CRMP1: variants seen among roughly 807,000 people sequenced by gnomAD.
CRMP1 encodes dihydropyrimidinase-related protein 1.
CRMP1 carries 19 observed loss-of-function variants against 68.3 expected under a neutral mutation model. The ratio of observed to expected loss-of-function variants is 0.28; its 90% CI spans 0.19 to 0.41. The LOEUF is 0.41. Among genes scored for constraint, CRMP1 ranks in the 10% least tolerant of loss-of-function variants. CRMP1 has a pLI of 1.00. For synonymous variants in CRMP1, 439 were observed against 399.6 expected (o/e 1.10, Z -1.18); for missense variants, 791 against 967.4 (o/e 0.82, Z 2.42).
chr4:5,873,437 C>A (rs1714600843), intron 1 of CRMP1, among the ~76,000 whole-genome samples: 1 of 151,512 alleles, frequency 6.6e-6, no homozygotes, highest in African/African-American at 2.4e-5. Context: ...GCAGGCTGTA[C>A]AGGAAGCATG....
In CRMP1 at chr4:5,887,608, C is replaced by G. The variant is rs185155106; in HGVS notation, c.381+4981G>C. Reference sequence around the variant, plus strand: ...TCCCCACCCTCTCGCGGCCCAGCGTCGGGAACATTAACCCTTCCCGGGCCG... The same window carrying G: ...TCCCCACCCTCTCGCGGCCCAGCGTGGGGAACATTAACCCTTCCCGGGCCG... On this transcript the variant is annotated intron_variant, in intron 1 of 13. Coordinates refer to ENST00000324989, the MANE Select transcript of CRMP1 (RefSeq NM_001014809.3). The G allele has an allele frequency of 4.6e-4, 458 of 985,010 alleles. 1 individual carries two copies. In the African/African-American group the frequency reaches 7.5e-3, roughly 16 times the overall value. The allele number at this position is 985,010 out of a possible 1,614,324, so 61.0% of individuals were successfully genotyped here. A position where few individuals can be genotyped will look rare whatever the true frequency, so the allele number is the denominator to read the frequency against.
rs1715739141 is a variant in CRMP1 at position 5,888,213 on chromosome 4, G to A, written c.381+4376C>T. On this transcript the variant is annotated intron_variant, in intron 1 of 13. Transcript: ENST00000324989. This position sits in a 1 kb window ranked among gnomAD's most constrained non-coding sequence, Gnocchi z 6.4. ...CAAAGGCCAGCGCGGGGCGGCGGGG[G>A]CGGGGGCCGCTTACCGTGATGTGCG... The A allele has an allele frequency of 8.7e-6, 11 of 1,263,772 alleles. No individual in the cohort carries two copies. The highest frequency in any genetic ancestry group is 1.1e-5 in the Non-Finnish European group (11 of 1,000,164). 78.3% of individuals were successfully genotyped at this position (1,263,772 alleles called of 1,614,324 possible).
chr4:5,824,360 A>G (rs1202202009), intron 13 of CRMP1: 4 of 985,268 alleles, frequency 4.1e-6, no homozygotes, highest in South Asian at 4.7e-5. Context: ...TCAAAGTCTT[A>G]TGGAGAGTGA....
At chr4:5,832,955 C>T (rs980340195) in intron 11 of CRMP1, among the ~76,000 whole-genome samples, 1 of 152,102 alleles carries the variant, frequency 6.6e-6, no homozygotes, top group African/African-American at 2.4e-5. Context: ...CAATGACTGG[C>T]ATCCATAAAA....
chr4:5,844,130 T>C (rs748565473), intron 6 of CRMP1, among the ~76,000 whole-genome samples: 1 of 152,184 alleles, frequency 6.6e-6, no homozygotes, highest in Non-Finnish European at 1.5e-5. Context: ...TCTATGGTTA[T>C]TAAGCTCGAG....
chr4:5,843,161 C>T lies in CRMP1; in HGVS notation c.964G>A (p.Glu322Lys), dbSNP rs1354523900. Residue 322 changes from glutamate to lysine, a missense_variant and splice_region_variant, in exon 7 of 14, where the codon GAA becomes AAA. By Grantham distance (56) the Glu-to-Lys change is moderately conservative. This residue lies in a region of CRMP1 where 594 missense variants were observed against 763.6 expected (regional missense o/e 0.78). Coordinates refer to ENST00000324989, the MANE Select transcript of CRMP1 (RefSeq NM_001014809.3). This position sits in a 1 kb window ranked among gnomAD's most constrained non-coding sequence, Gnocchi z 4.1. Reference sequence around the variant, plus strand: ...CCCATCTCCAGGATCCGCTTTTGTTCCTACAAGACAAGAACAAGTGAGTTA... The same window carrying T: ...CCCATCTCCAGGATCCGCTTTTGTTTCTACAAGACAAGAACAAGTGAGTTA... Reference protein sequence around the residue: ...HAENGDLIAQEQKRILEMGIT... With the variant: ...HAENGDLIAQKQKRILEMGIT... 2 of 1,614,140 alleles carry T rather than the reference C, an allele frequency of 1.2e-6. No homozygotes were observed. The highest frequency in any genetic ancestry group is 1.7e-6 in the Non-Finnish European group (2 of 1,180,008).
rs1025449070 is a variant in CRMP1, at chr4:5,821,029, C to G, written c.*731G>C. ...GGGAGACCTCTTTCTGAGTGTGAAC[C>G]TGGCTCGGCCTGAAGCCTAGAGCTG... On this transcript the variant is annotated 3_prime_UTR_variant, in exon 14 of 14. Transcript: ENST00000324989. This position sits in a 1 kb window ranked among gnomAD's most constrained non-coding sequence, Gnocchi z 4.4. 3.3e-5 allele frequency: 5 copies of G among 152,256 alleles called. No homozygotes were observed. Among genetic ancestry groups the G allele is most frequent in the African/African-American group, 1.2e-4 (5 of 41,450 alleles). 9.4% of individuals were successfully genotyped at this position (152,256 alleles called of 1,614,324 possible). A position where few individuals can be genotyped will look rare whatever the true frequency, so the allele number is the denominator to read the frequency against.
chr4:5,841,551 A>G lies in CRMP1; in HGVS notation c.1033-123T>C. The G allele has an allele frequency of 6.8e-7, 1 of 1,470,844 alleles. No individual in the cohort carries two copies. Among genetic ancestry groups the G allele is most frequent in the Non-Finnish European group, 9.3e-7 (1 of 1,075,052 alleles). The allele number at this position is 1,470,844 out of a possible 1,614,324, so 91.1% of individuals were successfully genotyped here. On this transcript the variant is annotated intron_variant, in intron 7 of 13. Transcript: ENST00000324989. The surrounding 1 kb of genome is among the most constrained non-coding windows in gnomAD (Gnocchi z 6.9). ...CTGCTCCATTGAATGAGAAGGACAT[A>G]CTGAGTCCAACAGCGCTTGACAGTG...
chr4:5,841,374 G>C lies in CRMP1; in HGVS notation c.1087C>G (p.Pro363Ala). The C allele has an allele frequency of 1.2e-6, 2 of 1,614,116 alleles. No individual in the cohort carries two copies. Among genetic ancestry groups the C allele is most frequent in the Non-Finnish European group, 1.7e-6 (2 of 1,180,036 alleles). Residue 363 changes from proline to alanine, a missense_variant, in exon 8 of 14, where the codon CCT becomes GCT. Around this residue, in one of 3 missense-constraint regions of CRMP1, gnomAD observed 594 missense variants for 763.6 expected, o/e 0.78. Transcript: ENST00000324989. The surrounding 1 kb of genome is among the most constrained non-coding windows in gnomAD (Gnocchi z 6.9). Reference sequence around the variant, plus strand: ...CTCATGACCTTGGTGATGTACACAGGGCAGTTGATCCGGCCCGCAATGGTG... The same window carrying C: ...CTCATGACCTTGGTGATGTACACAGCGCAGTTGATCCGGCCCGCAATGGTG... ...AITIAGRINC[P>A]VYITKVMSKS...
In CRMP1 at chr4:5,877,324, G is replaced by C. The variant is rs977570220; in HGVS notation, c.382-10568C>G. Reference sequence around the variant, plus strand: ...CAAAGCAAATTAATACATCGTAAAGGTTCTGTGCTGGGAGCCACAGGGGTT... The same window carrying C: ...CAAAGCAAATTAATACATCGTAAAGCTTCTGTGCTGGGAGCCACAGGGGTT... On this transcript the variant is annotated intron_variant, in intron 1 of 13. Coordinates refer to ENST00000324989, the MANE Select transcript of CRMP1 (RefSeq NM_001014809.3). The surrounding 1 kb of genome is among the most constrained non-coding windows in gnomAD (Gnocchi z 4.3). 5.9e-5 allele frequency among the ~76,000 whole-genome samples: 9 copies of C among 152,322 alleles called. No individual in the cohort carries two copies. The highest frequency in any genetic ancestry group is 2.1e-4 in the South Asian group (1 of 4,828).
Position 5,892,682 on chromosome 4 carries a change from G to A in CRMP1, c.288C>T (p.Val96=), listed in dbSNP as rs1227301183. The part of the protein sequence containing the change: ...SDVSEPSGSA[V]SSPGERDERP... ...GCTCGTCGCGCTCTCCGGGAGAGCT[G>A]ACCGCGGAGCCCGAGGGCTCGCTCA... is the stretch of plus-strand genomic sequence containing the variant. The change falls in exon 1 of 14, where the codon GTC becomes GTT. Residue 96 remains valine, a synonymous_variant. Coordinates refer to ENST00000324989, the MANE Select transcript of CRMP1 (RefSeq NM_001014809.3). The surrounding 1 kb of genome is among the most constrained non-coding windows in gnomAD (Gnocchi z 8.6). The A allele has an allele frequency of 6.6e-5, 80 of 1,217,832 alleles. No individual in the cohort carries two copies. The highest frequency in any genetic ancestry group is 7.8e-5 in the Non-Finnish European group (76 of 979,226). The allele number at this position is 1,217,832 out of a possible 1,614,324, so 75.4% of individuals were successfully genotyped here.
intron 11 of CRMP1, among the ~76,000 whole-genome samples, chr4:5,832,173 G>C (rs951147806): frequency 6.6e-6 from 1 of 152,200 alleles, no homozygotes; most frequent in Admixed American, 6.5e-5. Flanking sequence ...GAATGGGGGT[G>C]AGAGAGAGGG....
Position 5,892,062 on chromosome 4 carries a change from C to G in CRMP1, c.381+527G>C, listed in dbSNP as rs1413446858. Among the ~76,000 whole-genome samples, 1 of 152,090 alleles carries G rather than the reference C, an allele frequency of 6.6e-6. No individual in the cohort carries two copies. The highest frequency in any genetic ancestry group is 1.5e-5 in the Non-Finnish European group (1 of 68,020). ...TTCCCCCCAGCAAGCATGAGGGGAG[C>G]GCTCGGAAAAAAAGCTCCTTCCAGC... On this transcript the variant is annotated intron_variant, in intron 1 of 13. Transcript: ENST00000324989. This position sits in a 1 kb window ranked among gnomAD's most constrained non-coding sequence, Gnocchi z 8.6.
chr4:5,851,587 G>T (rs1482064252), intron 4 of CRMP1, 118 bp from the exon 5 acceptor site: 1 of 1,007,902 alleles, frequency 9.9e-7, no homozygotes, highest in East Asian at 2.4e-5. Flanking sequence ...GAGTGCCATT[G>T]GGATCCCCAG....
rs1715992534 is a variant in CRMP1 at position 5,892,390 on chromosome 4, C to T, written c.381+199G>A. ...CCCTTCCGAGTCTCACGGACCACGC[C>T]GGCCAGCCCCGACCGAGTCGCCCCA... is the stretch of plus-strand genomic sequence containing the variant. On this transcript the variant is annotated intron_variant, in intron 1 of 13. Transcript: ENST00000324989. The surrounding 1 kb of genome is among the most constrained non-coding windows in gnomAD (Gnocchi z 8.6). 6.6e-6 allele frequency among the ~76,000 whole-genome samples: 1 copy of T among 152,196 alleles called. No individual in the cohort carries two copies. The highest frequency in any genetic ancestry group is 2.4e-5 in the African/African-American group (1 of 41,468).
At chr4:5,873,280 G>C (rs962824985) in intron 1 of CRMP1, among the ~76,000 whole-genome samples, 1 of 152,176 alleles carries the variant, frequency 6.6e-6, no homozygotes, top group Non-Finnish European at 1.5e-5. Context: ...GGATGAGTAG[G>C]TATTAGCCAC....
chr4:5,874,722 A>T (rs1714690166), intron 1 of CRMP1, among the ~76,000 whole-genome samples: 1 of 152,182 alleles, frequency 6.6e-6, no homozygotes, highest in African/African-American at 2.4e-5. Flanking sequence ...AAGAGATAAA[A>T]GAAGGATAAA....
rs576511088 is a variant in CRMP1 at position 5,850,758 on chromosome 4, C to T, written c.882+650G>A. Among the ~76,000 whole-genome samples the T allele has an allele frequency of 6.6e-6, 1 of 152,272 alleles. No individual in the cohort carries two copies. The highest frequency in any genetic ancestry group is 6.5e-5 in the Admixed American group (1 of 15,308). On this transcript the variant is annotated intron_variant, in intron 5 of 13. Coordinates refer to ENST00000324989, the MANE Select transcript of CRMP1 (RefSeq NM_001014809.3). This position sits in a 1 kb window ranked among gnomAD's most constrained non-coding sequence, Gnocchi z 4.4. ...TGATTTTCTCCACCACACTAACAAG[C>T]AGAGCAAGGGAAACTGACAATGAAA... is the stretch of plus-strand genomic sequence containing the variant.
At position 5,892,044 on chromosome 4, in the gene CRMP1, CAGCAAGCATGAGGGG is replaced by C. The variant is rs900317027; in HGVS notation, c.381+530_381+544del. On this transcript the variant is annotated intron_variant, in intron 1 of 13. Transcript: ENST00000324989. The surrounding 1 kb of genome is among the most constrained non-coding windows in gnomAD (Gnocchi z 8.6). ...AAATCCTTAACCAAATCCTTCCCCC[CAGCAAGCATGAGGGG>C]AGCGCTCGGAAAAAAAGCTCCTTCC... Among the ~76,000 whole-genome samples, 10 of 152,146 alleles carry C rather than the reference CAGCAAGCATGAGGGG, an allele frequency of 6.6e-5. No homozygotes were observed. The highest frequency in any genetic ancestry group is 2.4e-4 in the African/African-American group (10 of 41,428).
Sources: allele counts gnomAD v4.1 joint callset (sites outside exome capture counted in the v4.1 genomes callset), GRCh38; gene constraint gnomAD v4.1.1; regional missense constraint gnomAD v4.1.1; non-coding constraint Gnocchi (gnomAD v3.1); transcripts MANE v1.5; gene names NCBI Gene and HGNC (gene_info 2026-07-23, HGNC 2026-07-21).